The following CACNA2D1 variants were observed in gnomAD, a reference collection of about 807,000 sequenced individuals.
CACNA2D1 encodes voltage-dependent calcium channel subunit alpha-2/delta-1.
CACNA2D1 carries 53 observed loss-of-function variants against 171.5 expected under a neutral mutation model. The observed-to-expected ratio is 0.31, with a 90% CI of 0.25 to 0.39. The LOEUF (loss-of-function observed/expected upper bound fraction) is 0.39, where lower values mean the gene tolerates loss of function less well. Among genes scored for constraint, CACNA2D1 ranks in the 10% least tolerant of loss-of-function variants. The pLI is 1.00. For synonymous variants in CACNA2D1, 442 were observed against 443.1 expected, an observed-to-expected ratio of 1.00 and a Z score of 0.03; for missense variants, 903 against 1,299.8, an observed-to-expected ratio of 0.69 and a Z score of 4.69.
chr7:82,353,007 G>A (rs1198487497), intron 1 of CACNA2D1, among the ~76,000 whole-genome samples: 1 of 152,142 alleles, frequency 6.6e-6, no homozygotes, highest in Non-Finnish European at 1.5e-5. Flanking sequence ...ATTAGAAAAT[G>A]AGAAGTCAGA....
intron 3 of CACNA2D1, among the ~76,000 whole-genome samples, chr7:82,256,395 AG>A (rs1347961990): frequency 6.6e-6 from 1 of 152,238 alleles, no homozygotes; most frequent in Non-Finnish European, 1.5e-5. Flanking sequence ...CCAGGTACTA[AG>A]AATATATAAA....
chr7:82,080,841 T>C (rs933647207), intron 7 of CACNA2D1, among the ~76,000 whole-genome samples: 1 of 152,364 alleles, frequency 6.6e-6, no homozygotes, highest in Admixed American at 6.5e-5. Flanking sequence ...GCTTCAATTA[T>C]GTTCTTTAAT....
chr7:82,385,528 T>G (rs1824241510), intron 1 of CACNA2D1, among the ~76,000 whole-genome samples: 1 of 152,228 alleles, frequency 6.6e-6, no homozygotes, highest in African/African-American at 2.4e-5. Context: ...ACCTGTTGTT[T>G]TAATGCTAAC....
chr7:82,120,935 G>A (rs189841956), intron 5 of CACNA2D1, among the ~76,000 whole-genome samples: 3 of 150,902 alleles, frequency 2.0e-5, no homozygotes, highest in African/African-American at 7.3e-5. Flanking sequence ...TTAATATACA[G>A]TATTACATTA....
intron 10 of CACNA2D1, among the ~76,000 whole-genome samples, chr7:82,044,552 A>G (rs1348925629): frequency 6.6e-6 from 1 of 152,176 alleles, no homozygotes. Context: ...ACACAAGTTA[A>G]CTATGATGGA....
At chr7:82,235,855 A>T (rs2129286647) in intron 3 of CACNA2D1, among the ~76,000 whole-genome samples, 1 of 152,234 alleles carries the variant, frequency 6.6e-6, no homozygotes, top group African/African-American at 2.4e-5. Context: ...TAGTCCTAAA[A>T]TGTTACAGTG....
chr7:82,295,668 T>C (rs1812181688), intron 3 of CACNA2D1, among the ~76,000 whole-genome samples: 1 of 151,904 alleles, frequency 6.6e-6, no homozygotes, highest in Admixed American at 6.6e-5. Flanking sequence ...TGATTTATAG[T>C]GTATAAACAT....
intron 1 of CACNA2D1, among the ~76,000 whole-genome samples, chr7:82,354,423 A>G (rs1033238184): frequency 2.6e-5 from 4 of 152,208 alleles, no homozygotes; most frequent in African/African-American, 9.6e-5. Flanking sequence ...TTAAGAAATA[A>G]GTAGAACCAA....
chr7:82,189,725 GA>G (rs898995723), intron 3 of CACNA2D1, among the ~76,000 whole-genome samples: 19 of 151,680 alleles, frequency 1.3e-4, no homozygotes, highest in African/African-American at 4.6e-4. Flanking sequence ...ACACAGAAAA[GA>G]ATACATAAGG....
intron 3 of CACNA2D1, among the ~76,000 whole-genome samples, chr7:82,246,203 C>A (rs1166253543): frequency 6.6e-6 from 1 of 150,484 alleles, no homozygotes; most frequent in Non-Finnish European, 1.5e-5. Context: ...TAAGTACTGT[C>A]TTTGCATATA....
intron 3 of CACNA2D1, among the ~76,000 whole-genome samples, chr7:82,196,539 G>T (rs1266738845): frequency 6.6e-6 from 1 of 151,986 alleles, no homozygotes; most frequent in African/African-American, 2.4e-5. Context: ...TAAGGAAGGA[G>T]AATTGAGATG....
chr7:82,218,178 C>T (rs1801371819), intron 3 of CACNA2D1, among the ~76,000 whole-genome samples: 1 of 152,110 alleles, frequency 6.6e-6, no homozygotes, highest in African/African-American at 2.4e-5. Flanking sequence ...TCGTGATCCA[C>T]CCGCCTCAGC....
At chr7:82,299,887 G>A (rs75465374) in intron 3 of CACNA2D1, among the ~76,000 whole-genome samples, 1 of 152,140 alleles carries the variant, frequency 6.6e-6, no homozygotes, top group South Asian at 2.1e-4. Context: ...TATTCATTCA[G>A]TAAATATTTA....
intron 4 of CACNA2D1, among the ~76,000 whole-genome samples, chr7:82,153,852 A>C (rs1020734768): frequency 5.9e-5 from 9 of 152,098 alleles, no homozygotes; most frequent in African/African-American, 2.2e-4. Flanking sequence ...CTATAAAAAA[A>C]AAACACCCAT....
intron 33 of CACNA2D1, 38 bp from the exon 34 acceptor site, chr7:81,964,146 C>T (rs566320066): frequency 6.2e-7 from 1 of 1,606,638 alleles, no homozygotes; most frequent in East Asian, 2.2e-5. Flanking sequence ...CAGTAGTCTA[C>T]TTGATACTGA....
chr7:81,980,776 G>A (rs933568434), intron 24 of CACNA2D1, among the ~76,000 whole-genome samples: 3 of 152,034 alleles, frequency 2.0e-5, no homozygotes, highest in Non-Finnish European at 4.4e-5. Context: ...ATACTCATAC[G>A]ACAGAACTGG....
At chr7:82,170,150 T>C (rs1169968175) in intron 4 of CACNA2D1, among the ~76,000 whole-genome samples, 4 of 151,956 alleles carry the variant, frequency 2.6e-5, no homozygotes, top group South Asian at 2.1e-4. Context: ...GATTATAATA[T>C]GTATACTGCT....
chr7:82,003,744 CTTTT>C (rs780882992), intron 18 of CACNA2D1, among the ~76,000 whole-genome samples: 4 of 137,124 alleles, frequency 2.9e-5, no homozygotes, highest in Admixed American at 7.4e-5. Context: ...CATCACATTA[CTTTT>C]TTTTTTTTTT....
intron 2 of CACNA2D1, among the ~76,000 whole-genome samples, chr7:82,342,084 C>CA: frequency 7.1e-6 from 1 of 140,210 alleles, no homozygotes; most frequent in African/African-American, 2.6e-5. Flanking sequence ...AAAAAAATCA[C>CA]ATTTGATTCT....
Sources: gnomAD v4.1 joint callset for allele counts (sites outside exome capture counted in the v4.1 genomes callset) on GRCh38, gnomAD v4.1.1 for gene constraint, MANE v1.5 for transcripts, NCBI Gene and HGNC (gene_info 2026-07-23, HGNC 2026-07-21) for gene names.